SHROOM4: variants seen among roughly 807,000 people sequenced by gnomAD.
SHROOM4 encodes shroom family member 4, also known as protein Shroom4.
A neutral mutation model predicts 80.3 loss-of-function variants in SHROOM4; 17 were observed. The observed-to-expected ratio is 0.21, with a 90% confidence interval of 0.14 to 0.32. SHROOM4 has a LOEUF of 0.32. SHROOM4 is among the 10% of genes least tolerant of loss of function. The pLI, the probability that SHROOM4 is intolerant of heterozygous loss-of-function variation, is 1.00. For synonymous variants in SHROOM4, 400 were observed against 437.5 expected, an observed-to-expected ratio of 0.91 and a Z score of 1.07; for missense variants, 993 against 1,140.3, an observed-to-expected ratio of 0.87 and a Z score of 1.86.
intron 1 of SHROOM4, among the ~76,000 whole-genome samples, chrX:50,806,982 G>T (rs781854631): frequency 1.4e-4 from 16 of 112,269 alleles, no homozygotes; most frequent in Admixed American, 2.8e-4. Flanking sequence ...ATGATGGTTA[G>T]GTTGTGTAAT....
intron 1 of SHROOM4, among the ~76,000 whole-genome samples, chrX:50,755,482 C>T (rs1336564687): frequency 2.7e-5 from 3 of 111,606 alleles, no homozygotes; most frequent in Non-Finnish European, 5.6e-5. Context: ...CAGAATCTTT[C>T]ATGTGGCACA....
At chrX:50,793,771 T>C (rs1935902168) in intron 1 of SHROOM4, among the ~76,000 whole-genome samples, 1 of 109,995 alleles carries the variant, frequency 9.1e-6, no homozygotes, top group Non-Finnish European at 1.9e-5. Flanking sequence ...GAGGGGTTAC[T>C]AACTTTGGCT....
intron 1 of SHROOM4, among the ~76,000 whole-genome samples, chrX:50,743,249 A>C (rs782253434): frequency 4.6e-5 from 5 of 109,506 alleles, no homozygotes; most frequent in Non-Finnish European, 7.6e-5. Flanking sequence ...CTTTCATTGA[A>C]AAATGGTATT....
At chrX:50,691,017 A>C (rs1183768298) in intron 2 of SHROOM4, among the ~76,000 whole-genome samples, 1 of 112,908 alleles carries the variant, frequency 8.9e-6, no homozygotes, top group Non-Finnish European at 1.9e-5. Context: ...TGATCATTTA[A>C]AAATATTATC....
intron 2 of SHROOM4, among the ~76,000 whole-genome samples, chrX:50,670,416 A>T (rs10218353): frequency 0.015 from 1,686 of 111,126 alleles, 27 homozygotes; most frequent in African/African-American, 0.051. Flanking sequence ...AGCTTCATCC[A>T]TGTCCCTGCA....
intron 2 of SHROOM4, among the ~76,000 whole-genome samples, chrX:50,681,103 A>G (rs782349707): frequency 2.0e-4 from 22 of 110,841 alleles, no homozygotes; most frequent in South Asian, 7.6e-4. Flanking sequence ...CTCCATCACT[A>G]AAATCCAAAT....
At chrX:50,767,466 C>T (rs986049942) in intron 1 of SHROOM4, among the ~76,000 whole-genome samples, 5 of 110,594 alleles carry the variant, frequency 4.5e-5, no homozygotes, top group African/African-American at 9.9e-5. Flanking sequence ...CCCATCCTGC[C>T]GCCCCAAATT....
At chrX:50,701,747 G>A (rs1933523463) in intron 1 of SHROOM4, among the ~76,000 whole-genome samples, 1 of 111,774 alleles carries the variant, frequency 8.9e-6, no homozygotes, top group Non-Finnish European at 1.9e-5. Flanking sequence ...TACTAAAAAT[G>A]TTAGCTGGAT....
Position 50,610,050 on chromosome X carries a change from A to G in SHROOM4, c.2958-1866T>C, listed in dbSNP as rs782264919. 2.7e-5 allele frequency among the ~76,000 whole-genome samples: 3 copies of G among 111,450 alleles called. No individual in the cohort carries two copies. The East Asian group carries it at 8.4e-4, about 31-fold the overall frequency. ...GACAGGAAATTCCAGGGGTTCAATT[A>G]AATCATCATACAGAATATCCATTCA... is the stretch of plus-strand genomic sequence containing the variant. On this transcript the variant is annotated intron_variant, in intron 5 of 8. Coordinates refer to ENST00000376020, the MANE Select transcript of SHROOM4 (RefSeq NM_020717.5).
chrX:50,763,402 C>T (rs1453722279), intron 1 of SHROOM4, among the ~76,000 whole-genome samples: 1 of 111,115 alleles, frequency 9.0e-6, no homozygotes, highest in Non-Finnish European at 1.9e-5. Flanking sequence ...TTTATATTGC[C>T]TGCTTTTTTT....
chrX:50,623,191 A>AT (rs1319600324), intron 5 of SHROOM4, among the ~76,000 whole-genome samples: 33 of 109,784 alleles, frequency 3.0e-4, no homozygotes, highest in African/African-American at 8.0e-4. Flanking sequence ...CTTTTTAAAC[A>AT]TTTTTTTTTC....
chrX:50,619,101 G>C (rs782193810), intron 5 of SHROOM4, among the ~76,000 whole-genome samples: 2 of 111,710 alleles, frequency 1.8e-5, no homozygotes, highest in Non-Finnish European at 3.8e-5. Context: ...CGCTTCCATG[G>C]GTTGCCTTTT....
chrX:50,653,176 G>T (rs898957976), intron 2 of SHROOM4, among the ~76,000 whole-genome samples: 1 of 111,608 alleles, frequency 9.0e-6, no homozygotes, highest in Non-Finnish European at 1.9e-5. Context: ...CCATTTTCAC[G>T]ATATTGATTC....
rs781999697 is a variant in SHROOM4, at chrX:50,638,311, A to G, written c.270-3T>C. 22 of 1,210,332 alleles carry G rather than the reference A, an allele frequency of 1.8e-5. No individual in the cohort carries two copies. The South Asian group carries it at 3.5e-4, about 19-fold the overall frequency. On this transcript the variant is annotated splice_polypyrimidine_tract_variant and splice_region_variant and intron_variant, in intron 2 of 8. Coordinates refer to ENST00000376020, the MANE Select transcript of SHROOM4 (RefSeq NM_020717.5). The stretch of plus-strand genomic sequence containing the variant: ...GCCTACTGACAGGGGCGTTCCTCCT[A>G]CAGCAAGAAAGGGACAGGAAGTGGG...
At chrX:50,758,340 C>T (rs782371607) in intron 1 of SHROOM4, among the ~76,000 whole-genome samples, 12 of 111,871 alleles carry the variant, frequency 1.1e-4, no homozygotes, top group African/African-American at 3.6e-4. Context: ...TATGATGCTA[C>T]CTGTAAGGTT....
chrX:50,761,197 C>T (rs1194657720), intron 1 of SHROOM4, among the ~76,000 whole-genome samples: 1 of 110,901 alleles, frequency 9.0e-6, no homozygotes. Context: ...TCTCACCCTC[C>T]ATCCTCAAGC....
chrX:50,647,531 G>T (rs782690743), intron 2 of SHROOM4, among the ~76,000 whole-genome samples: 1 of 111,653 alleles, frequency 9.0e-6, no homozygotes, highest in Non-Finnish European at 1.9e-5. Flanking sequence ...GAAGGTGGAG[G>T]ATGTTTGTCC....
At chrX:50,741,298 C>T (rs782519829) in intron 1 of SHROOM4, among the ~76,000 whole-genome samples, 21 of 109,865 alleles carry the variant, frequency 1.9e-4, no homozygotes, top group Admixed American at 1.1e-3. Context: ...AAGGGAAGAG[C>T]GGGGAAAGGG....
At chrX:50,649,155 T>A (rs1931948118) in intron 2 of SHROOM4, among the ~76,000 whole-genome samples, 2 of 112,098 alleles carry the variant, frequency 1.8e-5, no homozygotes, top group South Asian at 7.5e-4. Flanking sequence ...AAGGCTGATA[T>A]CAGTAATCTA....
Sources: allele counts gnomAD v4.1 joint callset (sites outside exome capture counted in the v4.1 genomes callset), GRCh38; gene constraint gnomAD v4.1.1; transcripts MANE v1.5; gene names NCBI Gene and HGNC (gene_info 2026-07-23, HGNC 2026-07-21).